The following WDR27 variants were observed in gnomAD, a reference collection of about 807,000 sequenced individuals.
The protein encoded by WDR27 is WD repeat domain 27.
In WDR27, 100 loss-of-function variants were observed where a neutral mutation model predicts 114.4. The observed-to-expected ratio is 0.87, with a 90% CI of 0.74 to 1.03. WDR27 has a LOEUF of 1.03. Among genes scored for constraint, WDR27 ranks in the 50% least tolerant of loss-of-function variants. The pLI is 0.00. For missense variants in WDR27, 1,129 were observed against 1,092.9 expected (o/e 1.03, Z -0.47); for synonymous variants, 449 against 423.1 (o/e 1.06, Z -0.75).
In WDR27 at chr6:169,592,776, G is replaced by A. The variant is rs7773703; in HGVS notation, c.2424+9443C>T. ...TTCCCAACCACAGAATGCCTCTAAA[G>A]TTTTCTCAGTAAGATGTCAGCTTTT... On this transcript the variant is annotated intron_variant, in intron 23 of 25. Transcript: ENST00000448612. 1.5e-3 allele frequency among the ~76,000 whole-genome samples: 223 copies of A among 152,258 alleles called. 1 individual carries two copies. The highest frequency in any genetic ancestry group is 5.1e-3 in the African/African-American group (211 of 41,554).
intron 25 of WDR27, among the ~76,000 whole-genome samples, chr6:169,562,196 G>A (rs1290392951): frequency 6.6e-6 from 1 of 152,096 alleles, no homozygotes; most frequent in African/African-American, 2.4e-5. Context: ...TAACCAACAC[G>A]ACACGTTTCT....
At chr6:169,654,130 CA>C (rs1823367058) in intron 13 of WDR27, among the ~76,000 whole-genome samples, 1 of 152,146 alleles carries the variant, frequency 6.6e-6, no homozygotes, top group South Asian at 2.1e-4. Flanking sequence ...AAAATTGATG[CA>C]AAACTCCTCA....
At chr6:169,637,395 T>C (rs1348110234) in intron 18 of WDR27, among the ~76,000 whole-genome samples, 1 of 152,266 alleles carries the variant, frequency 6.6e-6, no homozygotes, top group Non-Finnish European at 1.5e-5. Flanking sequence ...TAAGGATAGA[T>C]TTAACCATAT....
intron 2 of WDR27, among the ~76,000 whole-genome samples, chr6:169,680,659 G>A (rs920191333): frequency 6.6e-6 from 1 of 152,100 alleles, no homozygotes; most frequent in Non-Finnish European, 1.5e-5. Context: ...AAGTAATAAT[G>A]GATTGTCAGG....
chr6:169,490,860 G>T (rs1435118753), intron 25 of WDR27, among the ~76,000 whole-genome samples: 1 of 152,134 alleles, frequency 6.6e-6, no homozygotes, highest in East Asian at 1.9e-4. Flanking sequence ...CCAGATTGCA[G>T]CATCGTAACT....
At chr6:169,487,113 T>C (rs1478773092) in intron 25 of WDR27, among the ~76,000 whole-genome samples, 1 of 152,166 alleles carries the variant, frequency 6.6e-6, no homozygotes, top group Non-Finnish European at 1.5e-5. Context: ...TTACGGAGTC[T>C]CACCCACCTC....
Position 169,582,934 on chromosome 6 carries a change from C to A in WDR27, c.2425G>T (p.Ala809Ser). 1 of 1,613,666 alleles carries A rather than the reference C, an allele frequency of 6.2e-7. No individual in the cohort carries two copies. The highest frequency in any genetic ancestry group is 8.5e-7 in the Non-Finnish European group (1 of 1,179,766). Residue 809 changes from alanine (A) to serine (S), a missense_variant and splice_region_variant, in exon 24 of 26, where the codon GCT becomes TCT. Ala to Ser is a moderately conservative substitution (Grantham distance 99). Transcript: ENST00000448612. Reference protein sequence around the residue: ...FAACGAEDRHAYVYEMGSSTF... With the variant: ...FAACGAEDRHSYVYEMGSSTF... ...CTTGAGCCCATTTCATACACGTAAG[C>A]CTACAAGACAAGATGAGCAGGTGTG... is the stretch of plus-strand genomic sequence containing the variant.
At chr6:169,467,620 G>A (rs1044254174) in intron 25 of WDR27, among the ~76,000 whole-genome samples, 3 of 152,196 alleles carry the variant, frequency 2.0e-5, no homozygotes, top group Non-Finnish European at 2.9e-5. Context: ...AGGGCACCAA[G>A]TCCTGAGACT....
intron 25 of WDR27, among the ~76,000 whole-genome samples, chr6:169,485,991 G>A (rs761332334): frequency 6.6e-6 from 1 of 152,108 alleles, no homozygotes; most frequent in Non-Finnish European, 1.5e-5. Context: ...AGACACTGGG[G>A]CGTATTGAGG....
chr6:169,492,513 T>C (rs923305174), intron 25 of WDR27, among the ~76,000 whole-genome samples: 2 of 152,128 alleles, frequency 1.3e-5, no homozygotes. Flanking sequence ...AGAAAAATGT[T>C]TTTAAAGTGT....
At chr6:169,433,035 G>T in the WDR27 span, among the ~76,000 whole-genome samples, 1 of 152,222 alleles carries the variant, frequency 6.6e-6, no homozygotes, top group Non-Finnish European at 1.5e-5. Flanking sequence ...TGAGGAACTT[G>T]TTGAGAACTG....
intron 25 of WDR27, among the ~76,000 whole-genome samples, chr6:169,550,966 T>G (rs1798021325): frequency 6.6e-6 from 1 of 152,160 alleles, no homozygotes; most frequent in South Asian, 2.1e-4. Flanking sequence ...TCTGCCTACC[T>G]CGGCCTCTCA....
intron 25 of WDR27, among the ~76,000 whole-genome samples, chr6:169,516,303 G>C (rs938071994): frequency 7.2e-5 from 11 of 152,156 alleles, no homozygotes; most frequent in Non-Finnish European, 1.5e-4. Flanking sequence ...ACGGTAAGGA[G>C]CCATGAAAAT....
At chr6:169,504,165 T>C (rs1488786987) in intron 25 of WDR27, among the ~76,000 whole-genome samples, 3 of 152,208 alleles carry the variant, frequency 2.0e-5, no homozygotes, top group African/African-American at 7.2e-5. Flanking sequence ...AATTCAACTG[T>C]TCACTACAAA....
chr6:169,536,170 T>C (rs1024050737), intron 25 of WDR27, among the ~76,000 whole-genome samples: 1 of 152,198 alleles, frequency 6.6e-6, no homozygotes, highest in Non-Finnish European at 1.5e-5. Flanking sequence ...CATAAGGTTT[T>C]CTGCGGTTTA....
At chr6:169,463,000 G>A (rs1785104067) in intron 25 of WDR27, among the ~76,000 whole-genome samples, 1 of 152,132 alleles carries the variant, frequency 6.6e-6, no homozygotes, top group Non-Finnish European at 1.5e-5. Flanking sequence ...ACTTCATTTT[G>A]TGCTGCTATA....
chr6:169,580,146 T>C (rs1242902401), intron 24 of WDR27, among the ~76,000 whole-genome samples: 2 of 152,224 alleles, frequency 1.3e-5, no homozygotes, highest in Non-Finnish European at 1.5e-5. Context: ...ATGTTTTCCT[T>C]GTGTGTATGT....
At chr6:169,457,668 A>G (rs1355112933) in intron 25 of WDR27, 34 bp from the exon 26 acceptor site, 3 of 1,506,170 alleles carry the variant, frequency 2.0e-6, no homozygotes, top group African/African-American at 1.4e-5. Flanking sequence ...TGTAATTCCA[A>G]TCGCCTTTTA....
intron 25 of WDR27, among the ~76,000 whole-genome samples, chr6:169,566,104 G>A (rs9396967): frequency 0.22 from 9,907 of 44,504 alleles, 3,323 homozygotes; most frequent in East Asian, 0.68. Flanking sequence ...TCGTTAGAAG[G>A]AACCAGATCA....
Sources: gnomAD v4.1 joint callset for allele counts (sites outside exome capture counted in the v4.1 genomes callset) on GRCh38, gnomAD v4.1.1 for gene constraint, MANE v1.5 for transcripts, NCBI Gene and HGNC (gene_info 2026-07-23, HGNC 2026-07-21) for gene names.